Variants in ERCC6 observed in about 807,000 individuals in gnomAD.
ERCC6 encodes the protein ERCC excision repair 6, chromatin remodeling factor.
ERCC6 carries 116 observed loss-of-function variants against 158.7 expected under a neutral mutation model. The ratio of observed to expected loss-of-function variants is 0.73; its 90% CI spans 0.63 to 0.85. The LOEUF (loss-of-function observed/expected upper bound fraction) is 0.85, where lower values mean the gene tolerates loss of function less well. Ranked by LOEUF, ERCC6 falls within the 40% of genes least tolerant of loss-of-function variation. ERCC6 has a pLI of 0.00. For synonymous variants in ERCC6, 678 were observed against 659.3 expected (o/e 1.03, Z -0.43); for missense variants, 1,698 against 1,799.4 (o/e 0.94, Z 1.02).
intron 8 of ERCC6, 43 bp downstream of exon 8, chr10:49,493,073 AG>A: frequency 6.2e-7 from 1 of 1,601,528 alleles, no homozygotes; most frequent in Non-Finnish European, 8.6e-7. Context: ...TGTAAAATGG[AG>A]GGCATTAAAA....
chr10:49,537,614 G>A (rs976767181), intron 1 of ERCC6, among the ~76,000 whole-genome samples: 1 of 152,144 alleles, frequency 6.6e-6, no homozygotes, highest in Non-Finnish European at 1.5e-5. Flanking sequence ...TTGAAATTGT[G>A]GAGGTAGATG....
In ERCC6 at chr10:49,472,475, AAC is replaced by A. The variant is rs773056239; in HGVS notation, c.2830-7_2830-6del. Reference sequence around the variant, plus strand: ...TCTCCATGCTCGCTCCCGGGCCTGCAACAGAGAGAGAGAGACCTCTCAACGAG... The same window carrying A: ...TCTCCATGCTCGCTCCCGGGCCTGCAAGAGAGAGAGAGACCTCTCAACGAG... On this transcript the variant is annotated splice_polypyrimidine_tract_variant and splice_region_variant and intron_variant, in intron 15 of 20. Transcript: ENST00000355832. 3.1e-6 allele frequency: 5 copies of A among 1,613,848 alleles called. No individual in the cohort carries two copies. The highest frequency in any genetic ancestry group is 1.6e-4 in the Middle Eastern group (1 of 6,062).
In ERCC6 at chr10:49,456,475, G is replaced by T. The variant is rs967493648; in HGVS notation, c.*2340C>A. ...CTCAAAAATTTTATTAGTAAAGGAA[G>T]AATGGGAAAATGACATTATAGCAGC... On this transcript the variant is annotated 3_prime_UTR_variant, in exon 21 of 21. Transcript: ENST00000355832. The T allele has an allele frequency of 6.6e-6, 1 of 152,220 alleles. No individual in the cohort carries two copies. Among genetic ancestry groups the T allele is most frequent in the Non-Finnish European group, 1.5e-5 (1 of 68,060 alleles). 9.4% of individuals were successfully genotyped at this position (152,220 alleles called of 1,614,324 possible). A position where few individuals can be genotyped will look rare whatever the true frequency, so the allele number is the denominator to read the frequency against.
chr10:49,465,961 G>T (rs1381420767), intron 18 of ERCC6, among the ~76,000 whole-genome samples: 1 of 152,274 alleles, frequency 6.6e-6, no homozygotes, highest in Non-Finnish European at 1.5e-5. Context: ...GGGACAGGGT[G>T]GGGGATGACA....
At chr10:49,497,969 T>G (rs190083844) in intron 7 of ERCC6, among the ~76,000 whole-genome samples, 2 of 152,326 alleles carry the variant, frequency 1.3e-5, no homozygotes, top group Admixed American at 1.3e-4. Context: ...TCCAAGACTT[T>G]AAAAAATTAA....
intron 12 of ERCC6, among the ~76,000 whole-genome samples, chr10:49,474,824 A>G (rs1850846997): frequency 1.3e-5 from 2 of 152,228 alleles, no homozygotes; most frequent in Admixed American, 1.3e-4. Context: ...AGAAGGGCAC[A>G]GAAGACAAGG....
At chr10:49,512,973 G>A (rs575523907) in intron 5 of ERCC6, among the ~76,000 whole-genome samples, 3 of 152,234 alleles carry the variant, frequency 2.0e-5, no homozygotes, top group South Asian at 2.1e-4. Context: ...CTTTTCATAC[G>A]TATGAGTATT....
chr10:49,526,776 A>G (rs1482400912), intron 4 of ERCC6, among the ~76,000 whole-genome samples: 2 of 152,138 alleles, frequency 1.3e-5, no homozygotes, highest in Non-Finnish European at 2.9e-5. Context: ...GTAACTTCCA[A>G]TTTCAGTTCA....
chr10:49,517,054 C>A, intron 5 of ERCC6: 1 of 1,612,744 alleles, frequency 6.2e-7, no homozygotes, highest in Non-Finnish European at 8.5e-7. Context: ...GCACTTGCTT[C>A]TATGCTGTCA....
chr10:49,499,218 T>C (rs114955363), intron 7 of ERCC6, among the ~76,000 whole-genome samples: 84 of 152,322 alleles, frequency 5.5e-4, no homozygotes, highest in African/African-American at 2.0e-3. Flanking sequence ...AACAACACGA[T>C]GTTTAGCATT....
chr10:49,464,647 T>G (rs979944159), intron 18 of ERCC6, among the ~76,000 whole-genome samples: 2 of 152,190 alleles, frequency 1.3e-5, no homozygotes, highest in Admixed American at 1.3e-4. Flanking sequence ...GTCCCCATGC[T>G]GTGTGCAGCC....
Position 49,519,570 on chromosome 10 carries a change from G to A in ERCC6, c.1397+4463C>T, listed in dbSNP as rs368100922. Among the ~76,000 whole-genome samples, 18 of 152,288 alleles carry A rather than the reference G, an allele frequency of 1.2e-4. 1 individual carries two copies. The highest frequency in any genetic ancestry group is 4.1e-4 in the African/African-American group (17 of 41,560). ...CTTAGCCCAATGCACCAGGTCATCT[G>A]AGGAGACTCAGGCACCGCCTACTGA... On this transcript the variant is annotated intron_variant, in intron 5 of 20. Coordinates refer to ENST00000355832, the MANE Select transcript of ERCC6 (RefSeq NM_000124.4).
At chr10:49,516,396 A>C (rs1836965173) in intron 5 of ERCC6, 1 of 1,614,198 alleles carries the variant, frequency 6.2e-7, no homozygotes, top group Non-Finnish European at 8.5e-7. Context: ...AAATTTGTCC[A>C]CTGGATCCAA....
chr10:49,524,245 C>A lies in ERCC6; in HGVS notation c.1185G>T (p.Leu395=), dbSNP rs759596926. The A allele has an allele frequency of 1.2e-6, 2 of 1,614,136 alleles. No individual in the cohort carries two copies. The highest frequency in any genetic ancestry group is 1.7e-6 in the Non-Finnish European group (2 of 1,180,018). Residue 395 remains leucine, a synonymous_variant, in exon 5 of 21, where the codon CTG becomes CTT. Coordinates refer to ENST00000355832, the MANE Select transcript of ERCC6 (RefSeq NM_000124.4). The part of the protein sequence containing the change: ...DDEVEGAEAD[L]SGDGTDYELK... The stretch of plus-strand genomic sequence containing the variant: ...GCTCATAGTCAGTACCATCTCCAGA[C>A]AGGTCCGCCTCTGCCCCCTCCACCT...
intron 12 of ERCC6, chr10:49,475,184 C>T (rs1850854153): frequency 3.4e-6 from 1 of 295,278 alleles, no homozygotes. Flanking sequence ...TTGTGATGTG[C>T]TGCATATGTA....
At position 49,524,787 on chromosome 10, in the gene ERCC6, C is replaced by T; in HGVS notation, c.653-10G>A. The T allele has an allele frequency of 6.2e-7, 1 of 1,600,136 alleles. No homozygotes were observed. Among genetic ancestry groups the T allele is most frequent in the South Asian group, 1.1e-5 (1 of 91,080 alleles). On this transcript the variant is annotated splice_polypyrimidine_tract_variant and intron_variant, in intron 4 of 20. Transcript: ENST00000355832. ...CTGGATGGCCCCGGCTCTGAAAGAA[C>T]AATAGCAATGCGTTTCGCACTAGCA... is the stretch of plus-strand genomic sequence containing the variant.
chr10:49,493,294 A>C, intron 7 of ERCC6, 42 bp from the exon 8 acceptor site: 1 of 1,613,056 alleles, frequency 6.2e-7, no homozygotes, highest in South Asian at 1.1e-5. Context: ...ATGAAAGAGC[A>C]TATACAGTCA....
chr10:49,472,610 C>T, intron 15 of ERCC6, 140 bp from the exon 16 acceptor site: 1 of 871,152 alleles, frequency 1.1e-6, no homozygotes, highest in Non-Finnish European at 1.9e-6. Context: ...ACACCTAAGG[C>T]CTACTCAGGA....
At chr10:49,502,238 T>A (rs1196827061) in intron 6 of ERCC6, 1 of 152,196 alleles carries the variant, frequency 6.6e-6, no homozygotes, top group Non-Finnish European at 1.5e-5. Flanking sequence ...AGCTGTTCCA[T>A]TATTACCTAT....
Sources: allele counts gnomAD v4.1 joint callset (sites outside exome capture counted in the v4.1 genomes callset), GRCh38; gene constraint gnomAD v4.1.1; transcripts MANE v1.5; gene names NCBI Gene and HGNC (gene_info 2026-07-23, HGNC 2026-07-21).